The following TSNARE1 variants were observed in gnomAD, a reference collection of about 807,000 sequenced individuals.
TSNARE1 encodes the protein t-SNARE domain containing 1, also known as t-SNARE domain-containing protein 1.
TSNARE1 carries 49 observed loss-of-function variants against 62.0 expected under a neutral mutation model. The ratio of observed to expected loss-of-function variants is 0.79; its 90% confidence interval spans 0.63 to 1.00. The LOEUF is 1.00. TSNARE1 is among the 50% of genes least tolerant of loss of function. The pLI, the probability that TSNARE1 is intolerant of heterozygous loss-of-function variation, is 0.00. For missense variants in TSNARE1, 755 were observed against 700.1 expected (o/e 1.08, Z -0.88); for synonymous variants, 328 against 294.4 (o/e 1.11, Z -1.17).
At chr8:142,363,835 A>G (rs1376212379) in intron 1 of TSNARE1, among the ~76,000 whole-genome samples, 1 of 152,162 alleles carries the variant, frequency 6.6e-6, no homozygotes, top group African/African-American at 2.4e-5. Flanking sequence ...CCCTCGCAAG[A>G]GACCGGGATA....
At chr8:142,297,643 C>G (rs944769893) in intron 10 of TSNARE1, among the ~76,000 whole-genome samples, 3 of 152,204 alleles carry the variant, frequency 2.0e-5, no homozygotes, top group East Asian at 1.9e-4. Context: ...CCGCCCACCC[C>G]CCGAGCCCTG....
chr8:142,343,464 A>G (rs1375827231), intron 4 of TSNARE1, among the ~76,000 whole-genome samples: 1 of 151,660 alleles, frequency 6.6e-6, no homozygotes, highest in African/African-American at 2.4e-5. Flanking sequence ...CCCAGGCAGC[A>G]ACGGCAAATG....
chr8:142,274,022 C>T, intron 12 of TSNARE1: 3 of 985,308 alleles, frequency 3.0e-6, no homozygotes, highest in Non-Finnish European at 3.6e-6. Flanking sequence ...TCTCCTGGCC[C>T]CAGCTGGCCC....
At position 142,229,583 on chromosome 8, in the gene TSNARE1, GGA is replaced by G. The variant is rs367749353; in HGVS notation, c.1447-6_1447-5del. 1.3e-4 allele frequency: 203 copies of G among 1,603,642 alleles called. No homozygotes were observed. The highest frequency in any genetic ancestry group is 2.2e-4 in the East Asian group (10 of 44,558). ...ACTTGATCTTGTGTCTCTGGAGCTG[GGA>G]GAGAGAGAGAGGTTGTTTCCATATC... On this transcript the variant is annotated splice_polypyrimidine_tract_variant and splice_region_variant and intron_variant, in intron 12 of 13. Coordinates refer to ENST00000524325, the MANE Select transcript of TSNARE1 (RefSeq NM_145003.5).
At chr8:142,363,747 G>A (rs1369340616) in intron 1 of TSNARE1, among the ~76,000 whole-genome samples, 1 of 152,060 alleles carries the variant, frequency 6.6e-6, no homozygotes, top group Non-Finnish European at 1.5e-5. Flanking sequence ...CACCAAAACG[G>A]CTCCCACCCA....
chr8:142,275,664 A>C (rs1401131398), intron 11 of TSNARE1: 4 of 985,308 alleles, frequency 4.1e-6, no homozygotes, highest in Non-Finnish European at 4.8e-6. Flanking sequence ...TCCCGGAGGG[A>C]GGTTCCTTGC....
At chr8:142,331,282 C>G (rs1173661617) in intron 5 of TSNARE1, among the ~76,000 whole-genome samples, 1 of 152,234 alleles carries the variant, frequency 6.6e-6, no homozygotes, top group Admixed American at 6.5e-5. Context: ...CCACCCTGCT[C>G]CCCTCACCCC....
chr8:142,387,890 T>G (rs904814546), intron 1 of TSNARE1, among the ~76,000 whole-genome samples: 28 of 152,292 alleles, frequency 1.8e-4, no homozygotes, highest in African/African-American at 6.3e-4. Context: ...GAAATATAAC[T>G]TCTATATTAT....
intron 12 of TSNARE1, chr8:142,274,449 T>C (rs1586941239): frequency 2.0e-6 from 2 of 985,446 alleles, no homozygotes; most frequent in Non-Finnish European, 2.4e-6. Context: ...CTGAGCTGCA[T>C]GTCAGCATCT....
chr8:142,255,956 TCAC>T lies in TSNARE1; in HGVS notation c.1446+18822_1446+18824del, dbSNP rs1563781724. The stretch of plus-strand genomic sequence containing the variant: ...ATCACCATCACCACCATCATCACCA[TCAC>T]CACCACCATCACCATCACCACCACC... On this transcript the variant is annotated intron_variant, in intron 12 of 13. Coordinates refer to ENST00000524325, the MANE Select transcript of TSNARE1 (RefSeq NM_145003.5). Among the ~76,000 whole-genome samples, 6 of 48,682 alleles carry T rather than the reference TCAC, an allele frequency of 1.2e-4. 1 individual carries two copies. The highest frequency in any genetic ancestry group is 1.6e-4 in the African/African-American group (2 of 12,660). 31.9% of individuals were successfully genotyped at this position (48,682 alleles called of 152,430 possible). A position where few individuals can be genotyped will look rare whatever the true frequency, so the allele number is the denominator to read the frequency against.
rs1338544734 is a variant in TSNARE1 at position 142,327,345 on chromosome 8, C to T, written c.893+3556G>A. On this transcript the variant is annotated intron_variant, in intron 6 of 13. Transcript: ENST00000524325. ...GTTCTATATCAGCTGGCGAATGGGT[C>T]CGTCCTTACAGTGGGAGAGGGGCAC... Among the ~76,000 whole-genome samples the T allele has an allele frequency of 2.6e-5, 4 of 151,744 alleles. No individual in the cohort carries two copies. In the East Asian group the frequency reaches 7.8e-4, roughly 29 times the overall value.
chr8:142,246,106 C>T (rs1056681932), intron 12 of TSNARE1, among the ~76,000 whole-genome samples: 1 of 152,200 alleles, frequency 6.6e-6, no homozygotes, highest in Non-Finnish European at 1.5e-5. Flanking sequence ...CCCCACTCTT[C>T]GGTTCCACAG....
rs190164877 is a variant in TSNARE1, at chr8:142,292,232, G to A, written c.1291-7747C>T. ...AGAGTCTCCACCCTTGGCTCTCCGA[G>A]CTAGTGGACAGGGAAAGCAGTCTCA... On this transcript the variant is annotated intron_variant, in intron 10 of 13. Coordinates refer to ENST00000524325, the MANE Select transcript of TSNARE1 (RefSeq NM_145003.5). Among the ~76,000 whole-genome samples the A allele has an allele frequency of 5.3e-5, 8 of 152,254 alleles. No individual in the cohort carries two copies. The East Asian group carries it at 9.7e-4, about 18-fold the overall frequency.
intron 4 of TSNARE1, among the ~76,000 whole-genome samples, chr8:142,341,413 A>G (rs1358427007): frequency 1.3e-5 from 2 of 152,230 alleles, no homozygotes; most frequent in African/African-American, 4.8e-5. Flanking sequence ...AAGCGCAGGC[A>G]GTGGTGGAGA....
chr8:142,400,120 A>C (rs1838179024), intron 1 of TSNARE1, among the ~76,000 whole-genome samples: 1 of 151,958 alleles, frequency 6.6e-6, no homozygotes, highest in Non-Finnish European at 1.5e-5. Context: ...TGATCACCTG[A>C]AGGTCAGGAG....
chr8:142,349,032 T>G (rs955889673), intron 2 of TSNARE1, among the ~76,000 whole-genome samples: 14 of 152,184 alleles, frequency 9.2e-5, no homozygotes, highest in Non-Finnish European at 1.8e-4. Flanking sequence ...TGCCCAGCTC[T>G]GAGGGTCCTC....
At chr8:142,315,224 C>G in intron 7 of TSNARE1, 132 bp from the exon 8 acceptor site, 2 of 859,340 alleles carry the variant, frequency 2.3e-6, no homozygotes, top group Non-Finnish European at 1.8e-6. Flanking sequence ...TCAACTACTT[C>G]CCCTCCGTGT....
rs763443491 is a variant in TSNARE1 at position 142,270,325 on chromosome 8, C to T, written c.1446+4456G>A. The T allele has an allele frequency of 8.1e-6, 8 of 985,324 alleles. No individual in the cohort carries two copies. In the South Asian group the frequency reaches 2.3e-4, roughly 29 times the overall value. 61.0% of individuals were successfully genotyped at this position (985,324 alleles called of 1,614,324 possible). ...AGGCTGAAAGCAGCGGTGCCTGCCA[C>T]GCCCGAGAAGCAGGCTCCAACTCAC... On this transcript the variant is annotated intron_variant, in intron 12 of 13. Coordinates refer to ENST00000524325, the MANE Select transcript of TSNARE1 (RefSeq NM_145003.5).
At chr8:142,269,263 C>A (rs1819312746) in intron 12 of TSNARE1, among the ~76,000 whole-genome samples, 1 of 152,174 alleles carries the variant, frequency 6.6e-6, no homozygotes, top group Non-Finnish European at 1.5e-5. Context: ...AGTCAGTGAC[C>A]AGGATCAATG....
Sources: allele counts gnomAD v4.1 joint callset (sites outside exome capture counted in the v4.1 genomes callset), GRCh38; gene constraint gnomAD v4.1.1; transcripts MANE v1.5; gene names NCBI Gene and HGNC (gene_info 2026-07-23, HGNC 2026-07-21).